Variants in PDE7A observed in about 807,000 individuals in gnomAD.
PDE7A encodes phosphodiesterase 7A.
In PDE7A, 39 loss-of-function variants were observed where a neutral mutation model predicts 64.3. The ratio of observed to expected loss-of-function variants is 0.61; its 90% CI spans 0.47 to 0.79. PDE7A has a LOEUF of 0.79. Ranked by LOEUF, PDE7A falls within the 30% of genes least tolerant of loss-of-function variation. The pLI, the probability that PDE7A is intolerant of heterozygous loss-of-function variation, is 0.00. For synonymous variants in PDE7A, 203 were observed against 206.8 expected (o/e 0.98, Z 0.16); for missense variants, 470 against 582.8 (o/e 0.81, Z 1.99).
chr8:65,771,012 AT>A, intron 3 of PDE7A: 1 of 364,324 alleles, frequency 2.7e-6, no homozygotes, highest in South Asian at 2.2e-5. Context: ...CTGAAGATAA[AT>A]TTATAAGCCT....
At chr8:65,828,359 T>G (rs1296696093) in intron 1 of PDE7A, among the ~76,000 whole-genome samples, 1 of 152,142 alleles carries the variant, frequency 6.6e-6, no homozygotes, top group Non-Finnish European at 1.5e-5. Flanking sequence ...CATGCCATTT[T>G]GCAACTAGTT....
At chr8:65,748,649 T>C (rs1807795549) in intron 3 of PDE7A, among the ~76,000 whole-genome samples, 1 of 152,182 alleles carries the variant, frequency 6.6e-6, no homozygotes, top group South Asian at 2.1e-4. Context: ...CAATAAATCA[T>C]CTCTTAATTT....
chr8:65,809,009 C>G (rs775376706), intron 1 of PDE7A, among the ~76,000 whole-genome samples: 2 of 152,108 alleles, frequency 1.3e-5, no homozygotes, highest in Non-Finnish European at 2.9e-5. Context: ...AACCTCTACT[C>G]CTAAAGAGGA....
intron 1 of PDE7A, 114 bp downstream of exon 1, chr8:65,841,257 T>C: frequency 8.3e-7 from 1 of 1,199,660 alleles, no homozygotes; most frequent in South Asian, 2.1e-5. Context: ...AGCCTAGAAA[T>C]CCCCAGACAA....
At chr8:65,739,769 T>G (rs1807324461) in intron 5 of PDE7A, among the ~76,000 whole-genome samples, 172 bp from the exon 6 acceptor site, 1 of 152,242 alleles carries the variant, frequency 6.6e-6, no homozygotes, top group African/African-American at 2.4e-5. Flanking sequence ...ATGTCACATC[T>G]TGTTTCATTA....
At chr8:65,719,678 T>C in intron 12 of PDE7A, 183 bp from the exon 13 acceptor site, 1 of 569,066 alleles carries the variant, frequency 1.8e-6, no homozygotes, top group Admixed American at 3.0e-5. Context: ...TTTGAAGAAC[T>C]GATTTCTTAA....
In PDE7A at chr8:65,734,022, T is replaced by C. The variant is rs1261826664; in HGVS notation, c.696+772A>G. On this transcript the variant is annotated intron_variant, in intron 7 of 12. Transcript: ENST00000401827. ...CTGCAGACAATGATTCCCAAATCCA[T>C]ACATTAAGTCTGATTTCTCTTCTAT... Among the ~76,000 whole-genome samples the C allele has an allele frequency of 2.6e-5, 4 of 152,304 alleles. No homozygotes were observed. In the East Asian group the frequency reaches 7.7e-4, roughly 29 times the overall value.
intron 3 of PDE7A, among the ~76,000 whole-genome samples, chr8:65,773,494 T>C (rs995145053): frequency 1.3e-5 from 2 of 152,166 alleles, no homozygotes; most frequent in African/African-American, 2.4e-5. Flanking sequence ...CTACAAAGCT[T>C]CCACATCACT....
chr8:65,754,896 C>T (rs1301849510), intron 3 of PDE7A, among the ~76,000 whole-genome samples: 4 of 149,428 alleles, frequency 2.7e-5, no homozygotes, highest in Admixed American at 1.3e-4. Flanking sequence ...ACCCGGGAGG[C>T]GGAGGTTGCA....
intron 1 of PDE7A, among the ~76,000 whole-genome samples, chr8:65,831,584 G>A (rs777619512): frequency 6.6e-6 from 1 of 151,110 alleles, no homozygotes; most frequent in Non-Finnish European, 1.5e-5. Context: ...ATCTCTCATG[G>A]AAAGTAAAAT....
chr8:65,757,560 T>C (rs938231103), intron 3 of PDE7A, among the ~76,000 whole-genome samples: 3 of 152,230 alleles, frequency 2.0e-5, no homozygotes, highest in Non-Finnish European at 2.9e-5. Context: ...TCTGGAATAA[T>C]TGAGCTAAGA....
intron 1 of PDE7A, among the ~76,000 whole-genome samples, chr8:65,787,539 TC>T (rs1308078741): frequency 6.6e-6 from 1 of 152,206 alleles, no homozygotes; most frequent in African/African-American, 2.4e-5. Flanking sequence ...ATTGCACTGA[TC>T]TACCAAACAG....
At chr8:65,798,206 A>ATATATATATATATATATATTTTTTTTT in intron 1 of PDE7A, among the ~76,000 whole-genome samples, 1 of 73,808 alleles carries the variant, frequency 1.4e-5, no homozygotes, top group African/African-American at 5.8e-5. Flanking sequence ...ATATATATAT[A>ATATATATATATATATATATTTTTTTTT]TTTTTTTTTT....
rs190191936 is a variant in PDE7A, at chr8:65,768,486, G to T, written c.283+11234C>A. On this transcript the variant is annotated intron_variant, in intron 3 of 12. Transcript: ENST00000401827. ...TCTCTTGCCTTGTCTGCTGCCATGT[G>T]AGATGTGCCTTTCACCTTCGGCCGT... Among the ~76,000 whole-genome samples the T allele has an allele frequency of 1.7e-3, 263 of 152,330 alleles. 1 individual carries two copies. Among genetic ancestry groups the T allele is most frequent in the Admixed American group, 3.1e-3 (47 of 15,304 alleles).
At chr8:65,749,775 A>T (rs534655900) in intron 3 of PDE7A, among the ~76,000 whole-genome samples, 2 of 152,330 alleles carry the variant, frequency 1.3e-5, no homozygotes, top group South Asian at 4.1e-4. Context: ...AAAAACACAG[A>T]TCTGTTTATA....
At chr8:65,807,017 T>C (rs776312381) in intron 1 of PDE7A, among the ~76,000 whole-genome samples, 1 of 152,248 alleles carries the variant, frequency 6.6e-6, no homozygotes, top group African/African-American at 2.4e-5. Context: ...TTGTGTTATT[T>C]TGGGTCCCTT....
chr8:65,747,701 A>C lies in PDE7A; in HGVS notation c.386T>G (p.Val129Gly). The C allele has an allele frequency of 3.1e-6, 5 of 1,611,562 alleles. No individual in the cohort carries two copies. The highest frequency in any genetic ancestry group is 4.2e-6 in the Non-Finnish European group (5 of 1,178,120). The change falls in exon 4 of 13, where the codon GTT becomes GGT. Residue 129 changes from valine (V) to glycine (G), a missense_variant. Coordinates refer to ENST00000401827, the MANE Select transcript of PDE7A (RefSeq NM_001242318.3). ...ATCTAAAATGTTTAGGGAATTTGAAACCGCAGTACCACGAAAAAAGCGTGA... is the reference window on the plus strand; with the variant it reads ...ATCTAAAATGTTTAGGGAATTTGAACCCGCAGTACCACGAAAAAAGCGTGA... ...RSSRFFRGTA[V>G]SNSLNILDDD...
At chr8:65,792,633 A>G (rs1350841824) in intron 1 of PDE7A, among the ~76,000 whole-genome samples, 2 of 152,242 alleles carry the variant, frequency 1.3e-5, no homozygotes, top group South Asian at 2.1e-4. Context: ...TGTCTGTAGA[A>G]AACTATAACC....
intron 4 of PDE7A, 79 bp from the exon 5 acceptor site, chr8:65,745,549 A>C: frequency 1.3e-6 from 1 of 788,572 alleles, no homozygotes. Flanking sequence ...TAGAGAAGTT[A>C]AAGAAAATGT....
Sources: allele counts gnomAD v4.1 joint callset (sites outside exome capture counted in the v4.1 genomes callset), GRCh38; gene constraint gnomAD v4.1.1; transcripts MANE v1.5; gene names NCBI Gene and HGNC (gene_info 2026-07-23, HGNC 2026-07-21).